SECISBP2: variants seen among roughly 807,000 people sequenced by gnomAD.
SECISBP2 encodes the protein SECIS binding protein 2.
Under a neutral mutation model 98.2 loss-of-function variants are expected in SECISBP2, and 96 were observed. The ratio of observed to expected loss-of-function variants is 0.98; its 90% CI spans 0.83 to 1.16. SECISBP2 has a LOEUF of 1.16. Among genes scored for constraint, SECISBP2 ranks in the 50% most tolerant of loss-of-function variants. The probability of loss-of-function intolerance (pLI) is 0.00; values close to 1 mark genes in which losing one functional copy is unlikely to be tolerated. For synonymous variants in SECISBP2, 407 were observed against 370.2 expected, an observed-to-expected ratio of 1.10 and a Z score of -1.14; for missense variants, 1,046 against 1,022.9, an observed-to-expected ratio of 1.02 and a Z score of -0.31.
the SECISBP2 span, chr9:89,365,663 C>T: frequency 6.6e-6 from 1 of 152,224 alleles, no homozygotes; most frequent in African/African-American, 2.4e-5. Flanking sequence ...AATTCCAGAG[C>T]CAAAAGAGTC....
chr9:89,357,308 T>C lies in SECISBP2; in HGVS notation c.2114-103T>C, dbSNP rs1832239504. 5 of 1,270,264 alleles carry C rather than the reference T, an allele frequency of 3.9e-6. No homozygotes were observed. In the Admixed American group the frequency reaches 8.4e-5, roughly 21 times the overall value. The allele number at this position is 1,270,264 out of a possible 1,614,324, so 78.7% of individuals were successfully genotyped here. On this transcript the variant is annotated intron_variant, in intron 14 of 16. Coordinates refer to ENST00000375807, the MANE Select transcript of SECISBP2 (RefSeq NM_024077.5). ...AGGGGCGTCTGCCTTGGATATAAAA[T>C]CATAGATGGGTGTGTTGCTAAGAAA... is the stretch of plus-strand genomic sequence containing the variant.
At chr9:89,364,194 C>A, downstream of SECISBP2, 1 of 682,370 alleles carries the variant, frequency 1.5e-6, no homozygotes, top group Non-Finnish European at 2.4e-6. Flanking sequence ...TCAAAGCACA[C>A]CTGTGTGGCC....
chr9:89,336,081 C>CTTTTTTTTTTTTTTTTTTTTTTT lies in SECISBP2; in HGVS notation c.1089+1356_1089+1378dup, dbSNP rs59799418. Among the ~76,000 whole-genome samples the CTTTTTTTTTTTTTTTTTTTTTTT allele has an allele frequency of 3.0e-4, 10 of 33,058 alleles. 3 individuals carry two copies. The highest frequency in any genetic ancestry group is 4.8e-4 in the Admixed American group (1 of 2,094). 21.7% of individuals were successfully genotyped at this position (33,058 alleles called of 152,430 possible). On this transcript the variant is annotated intron_variant, in intron 7 of 16. Coordinates refer to ENST00000375807, the MANE Select transcript of SECISBP2 (RefSeq NM_024077.5). The stretch of plus-strand genomic sequence containing the variant: ...TTTTTCCCTTAAGTAATTTTAAGTG[C>CTTTTTTTTTTTTTTTTTTTTTTT]TTTTTTTTTTTTTTTTTTTTTTTTT...
intron 1 of SECISBP2, chr9:89,319,197 T>G (rs1450934464): frequency 1.1e-5 from 4 of 371,552 alleles, no homozygotes; most frequent in Non-Finnish European, 1.6e-5. Flanking sequence ...GACTTAGTGG[T>G]TCATGAGTAA....
chr9:89,339,834 A>C, intron 8 of SECISBP2, 30 bp from the exon 9 acceptor site: 1 of 1,522,438 alleles, frequency 6.6e-7, no homozygotes, highest in Non-Finnish European at 9.1e-7. Flanking sequence ...GCATTAACAA[A>C]AGAGCTAAAG....
intron 10 of SECISBP2, among the ~76,000 whole-genome samples, chr9:89,344,421 T>C (rs1272331759): frequency 6.6e-6 from 1 of 152,216 alleles, no homozygotes; most frequent in Non-Finnish European, 1.5e-5. Flanking sequence ...GGGTTGTCTT[T>C]CAGTGTTTTT....
At chr9:89,362,549 T>G (rs1832858354), downstream of SECISBP2, 5 of 1,559,806 alleles carry the variant, frequency 3.2e-6, no homozygotes, top group East Asian at 9.0e-5. Context: ...CCCCCTGTTG[T>G]GGTTCCCCTC....
chr9:89,341,731 TA>T (rs1365319507), intron 10 of SECISBP2, among the ~76,000 whole-genome samples: 1 of 152,212 alleles, frequency 6.6e-6, no homozygotes, highest in African/African-American at 2.4e-5. Context: ...AAAATGGTAT[TA>T]GAACATCTAG....
Position 89,339,946 on chromosome 9 carries a change from A to C in SECISBP2, c.1295A>C (p.Gln432Pro), listed in dbSNP as rs374852838. 5.6e-6 allele frequency: 9 copies of C among 1,609,898 alleles called. No homozygotes were observed. Among genetic ancestry groups the C allele is most frequent in the Non-Finnish European group, 7.7e-6 (9 of 1,176,466 alleles). ...ACACCGAAATTTCAATCTAAGCAGC[A>C]GCCACAGGTAATTTTTAGATTGAAA... ...IETPKFQSKQQPQDNFKNNVK... is the reference protein window; with the variant it reads ...IETPKFQSKQPPQDNFKNNVK... The change falls in exon 9 of 17, where the codon CAG becomes CCG. Residue 432 changes from glutamine (Q) to proline (P), a missense_variant. Transcript: ENST00000375807.
intron 2 of SECISBP2, among the ~76,000 whole-genome samples, chr9:89,320,938 A>G (rs1825696641): frequency 6.6e-6 from 1 of 152,210 alleles, no homozygotes; most frequent in African/African-American, 2.4e-5. Context: ...TGTAATTGAA[A>G]ATAGTTTGTA....
chr9:89,350,809 A>T lies in SECISBP2; in HGVS notation c.2070A>T (p.Lys690Asn). 2 of 1,614,208 alleles carry T rather than the reference A, an allele frequency of 1.2e-6. No homozygotes were observed. The highest frequency in any genetic ancestry group is 2.2e-5 in the South Asian group (2 of 91,084). ...VLKHLKLKKLKCVIISPNCEK... is the reference protein window; with the variant it reads ...VLKHLKLKKLNCVIISPNCEK... ...AACACCTGAAGCTCAAAAAACTGAA[A>T]TGTGTCATTATTTCTCCCAACTGTG... Residue 690 changes from lysine (K) to asparagine (N), a missense_variant, in exon 14 of 17, where the codon AAA (lysine) becomes AAT (asparagine). Lys to Asn is a moderately conservative substitution (Grantham distance 94, BLOSUM62 0). Transcript: ENST00000375807.
At chr9:89,340,630 T>C (rs1160552692) in intron 9 of SECISBP2, among the ~76,000 whole-genome samples, 1 of 151,964 alleles carries the variant, frequency 6.6e-6, no homozygotes, top group East Asian at 1.9e-4. Context: ...GCAGGCCTCC[T>C]TGCCTGTCCT....
At chr9:89,326,715 T>G (rs1826764905) in intron 4 of SECISBP2, among the ~76,000 whole-genome samples, 2 of 152,280 alleles carry the variant, frequency 1.3e-5, no homozygotes, top group South Asian at 4.1e-4. Flanking sequence ...TGTGGGAACA[T>G]TTAGAGTGTA....
At chr9:89,344,609 C>T (rs188007725) in intron 10 of SECISBP2, among the ~76,000 whole-genome samples, 2 of 152,228 alleles carry the variant, frequency 1.3e-5, no homozygotes, top group Admixed American at 6.5e-5. Context: ...GTCATTTGTT[C>T]CTCGCTTCCT....
At chr9:89,357,958 G>A (rs1178789021) in intron 15 of SECISBP2, 41 bp from the exon 16 acceptor site, 5 of 1,607,914 alleles carry the variant, frequency 3.1e-6, no homozygotes, top group Non-Finnish European at 4.2e-6. Flanking sequence ...CGTGTCCTCT[G>A]TAGCTGGGAT....
Position 89,334,703 on chromosome 9 carries a change from A to ATTC in SECISBP2, c.1062_1063insTTC (p.Glu354_Lys355insPhe). ...CTTCGGATCCTTCCTACAACAAAGA[A>ATTC]AAACACATTATTCATCCTACCCAAA... On this transcript the variant is annotated inframe_insertion, in exon 7 of 17. Coordinates refer to ENST00000375807, the MANE Select transcript of SECISBP2 (RefSeq NM_024077.5). 1 of 1,613,792 alleles carries ATTC rather than the reference A, an allele frequency of 6.2e-7. No homozygotes were observed. The highest frequency in any genetic ancestry group is 8.5e-7 in the Non-Finnish European group (1 of 1,179,946).
At chr9:89,324,253 G>T (rs1433635366) in intron 2 of SECISBP2, 4 of 152,244 alleles carry the variant, frequency 2.6e-5, no homozygotes, top group African/African-American at 9.6e-5. Context: ...CCTCAGTGCT[G>T]TATGTTTGGA....
chr9:89,318,745 A>T (rs1030921001), intron 1 of SECISBP2, 133 bp downstream of exon 1: 1 of 1,227,338 alleles, frequency 8.1e-7, no homozygotes, highest in African/African-American at 1.6e-5. Flanking sequence ...GGAGCGCCCT[A>T]CCGGGTGGCC....
chr9:89,330,890 A>G (rs1286927984), intron 5 of SECISBP2, among the ~76,000 whole-genome samples: 1 of 152,204 alleles, frequency 6.6e-6, no homozygotes, highest in Admixed American at 6.5e-5. Flanking sequence ...GCTTTATATC[A>G]AGGTCACTTG....
Sources: gnomAD v4.1 joint callset for allele counts (sites outside exome capture counted in the v4.1 genomes callset) on GRCh38, gnomAD v4.1.1 for gene constraint, MANE v1.5 for transcripts, NCBI Gene and HGNC (gene_info 2026-07-23, HGNC 2026-07-21) for gene names.